The following PHC2 variants were observed in gnomAD, a reference collection of about 807,000 sequenced individuals.
PHC2 encodes polyhomeotic homolog 2.
In PHC2, 29 loss-of-function variants were observed where a neutral mutation model predicts 87.4. The observed-to-expected ratio is 0.33, with a 90% confidence interval of 0.25 to 0.45. The LOEUF (loss-of-function observed/expected upper bound fraction) is 0.45, where lower values mean the gene tolerates loss of function less well. PHC2 is among the 20% of genes least tolerant of loss of function. PHC2 has a pLI of 1.00. For synonymous variants in PHC2, 438 were observed against 461.7 expected (o/e 0.95, Z 0.66); for missense variants, 857 against 1,136.7 (o/e 0.75, Z 3.54).
intron 9 of PHC2, chr1:33,346,969 C>T (rs1646856058): frequency 1.0e-6 from 1 of 985,350 alleles, no homozygotes; most frequent in Non-Finnish European, 1.2e-6. Flanking sequence ...CATACAAGGC[C>T]AGAGGTAAGA....
intron 9 of PHC2, among the ~76,000 whole-genome samples, chr1:33,340,856 ACTTTACTGT>A (rs897432426): frequency 2.1e-5 from 3 of 142,276 alleles, no homozygotes; most frequent in African/African-American, 7.9e-5. Flanking sequence ...AGTCATTCAC[ACTTTACTGT>A]GAATTACTCG....
Position 33,332,114 on chromosome 1 carries a change from A to G in PHC2, c.1891+161T>C, listed in dbSNP as rs975990652. Among the ~76,000 whole-genome samples the G allele has an allele frequency of 1.3e-5, 2 of 152,180 alleles. No homozygotes were observed. Among genetic ancestry groups the G allele is most frequent in the Non-Finnish European group, 2.9e-5 (2 of 68,022 alleles). ...ACACATGGTTCCCGTGATTTCCCCT[A>G]TCCCTCTTTTTGAGGGAAGGAGGCT... On this transcript the variant is annotated intron_variant, in intron 11 of 14. Coordinates refer to ENST00000683057, the MANE Select transcript of PHC2 (RefSeq NM_001385109.1). This position sits in a 1 kb window ranked among gnomAD's most constrained non-coding sequence, Gnocchi z 4.2.
At chr1:33,412,413 C>T (rs1195424641) in intron 1 of PHC2, among the ~76,000 whole-genome samples, 2 of 152,170 alleles carry the variant, frequency 1.3e-5, no homozygotes, top group East Asian at 1.9e-4. Flanking sequence ...CGTGCGTGCG[C>T]GTGCATTCAA....
intron 7 of PHC2, among the ~76,000 whole-genome samples, chr1:33,360,289 C>T (rs2148300182): frequency 6.6e-6 from 1 of 152,376 alleles, no homozygotes; most frequent in East Asian, 1.9e-4. Flanking sequence ...CTACCAAATA[C>T]TTGCTGTGTA....
At position 33,414,177 on chromosome 1, in the gene PHC2, T is replaced by TCTCACACACACA. The variant is rs372228145; in HGVS notation, c.-55+16798_-55+16799insTGTGTGTGTGAG. On this transcript the variant is annotated intron_variant, in intron 1 of 14. Transcript: ENST00000683057. ...TTTACATATGTATTCTCTCTCTCTG[T>TCTCACACACACA]CACACACACACACACACACACACAC... 9.1e-5 allele frequency among the ~76,000 whole-genome samples: 13 copies of TCTCACACACACA among 142,856 alleles called. No homozygotes were observed. The East Asian group carries it at 2.0e-3, about 23-fold the overall frequency. 93.7% of individuals were successfully genotyped at this position (142,856 alleles called of 152,430 possible).
chr1:33,396,978 C>A (rs545141617), intron 1 of PHC2, among the ~76,000 whole-genome samples: 3 of 152,170 alleles, frequency 2.0e-5, no homozygotes, highest in African/African-American at 7.2e-5. Context: ...AGTGTTAACA[C>A]GAGGAGTCTG....
intron 14 of PHC2, chr1:33,325,609 C>A (rs1646353042): frequency 3.4e-6 from 1 of 291,210 alleles, no homozygotes; most frequent in African/African-American, 2.2e-5. Flanking sequence ...CAGATAACCT[C>A]TCTGTTTCTA....
chr1:33,430,641 C>G (rs975130374), intron 1 of PHC2, among the ~76,000 whole-genome samples: 1 of 152,042 alleles, frequency 6.6e-6, no homozygotes, highest in Non-Finnish European at 1.5e-5. Context: ...CGTTCCGGTT[C>G]CCGTTCCCGG....
intron 1 of PHC2, among the ~76,000 whole-genome samples, chr1:33,400,758 T>C (rs191327857): frequency 2.6e-5 from 4 of 152,254 alleles, no homozygotes; most frequent in Non-Finnish European, 5.9e-5. Flanking sequence ...TAAAATAGTA[T>C]AGTAAGTACA....
rs995199843 is a variant in PHC2, at chr1:33,331,158, C to T, written c.2006+190G>A. ...TTCCTTGGACTCCCGCTGCTCTCTCCCACCTGCTCTTAGGGGTTCTGGCTT... is the reference window on the plus strand; with the variant it reads ...TTCCTTGGACTCCCGCTGCTCTCTCTCACCTGCTCTTAGGGGTTCTGGCTT... On this transcript the variant is annotated intron_variant, in intron 12 of 14. Transcript: ENST00000683057. The surrounding 1 kb of genome is among the most constrained non-coding windows in gnomAD (Gnocchi z 5.2). Among the ~76,000 whole-genome samples, 2 of 152,180 alleles carry T rather than the reference C, an allele frequency of 1.3e-5. No individual in the cohort carries two copies. The highest frequency in any genetic ancestry group is 4.8e-5 in the African/African-American group (2 of 41,440).
chr1:33,326,986 T>TAAA (rs1365772032), intron 14 of PHC2, among the ~76,000 whole-genome samples: 1 of 151,826 alleles, frequency 6.6e-6, no homozygotes, highest in Non-Finnish European at 1.5e-5. Flanking sequence ...TAATATAAAA[T>TAAA]AAAAAGGAGG....
chr1:33,405,454 G>A (rs1649720064), intron 1 of PHC2, among the ~76,000 whole-genome samples: 1 of 152,098 alleles, frequency 6.6e-6, no homozygotes, highest in Non-Finnish European at 1.5e-5. Context: ...GCTTCCCAAA[G>A]CGCTGGGATT....
chr1:33,385,425 CATA>C lies in PHC2; in HGVS notation c.-54-9835_-54-9833del, dbSNP rs1648692315. Among the ~76,000 whole-genome samples, 3 of 152,338 alleles carry C rather than the reference CATA, an allele frequency of 2.0e-5. No homozygotes were observed. In the South Asian group the frequency reaches 6.2e-4, roughly 32 times the overall value. ...GCAAACATTGCCAGGGCAGGGTTTA[CATA>C]CAGGAATGCAACCCTGGCCATGTTA... is the stretch of plus-strand genomic sequence containing the variant. On this transcript the variant is annotated intron_variant, in intron 1 of 14. Coordinates refer to ENST00000683057, the MANE Select transcript of PHC2 (RefSeq NM_001385109.1).
chr1:33,384,143 G>A (rs572191695), intron 1 of PHC2, among the ~76,000 whole-genome samples: 67 of 152,310 alleles, frequency 4.4e-4, no homozygotes, highest in Admixed American at 1.7e-3. Context: ...GGCTTTGTAT[G>A]CTCCAAGGCA....
rs1647905536 is a variant in PHC2, at chr1:33,372,367, GTGC to G, written c.252_254del (p.Gln84del). 1.2e-6 allele frequency: 2 copies of G among 1,607,394 alleles called. No homozygotes were observed. Among genetic ancestry groups the G allele is most frequent in the Admixed American group, 1.7e-5 (1 of 59,598 alleles). The stretch of plus-strand genomic sequence containing the variant: ...GGAGCGCCGCGGTCTGCAGCATGAG[GTGC>G]TGCTGCTGGGCGGCGTACATCTGCT... On this transcript the variant is annotated inframe_deletion, in exon 3 of 15. Coordinates refer to ENST00000683057, the MANE Select transcript of PHC2 (RefSeq NM_001385109.1).
intron 1 of PHC2, among the ~76,000 whole-genome samples, chr1:33,405,746 T>A (rs1453783559): frequency 6.6e-6 from 1 of 152,224 alleles, no homozygotes; most frequent in Non-Finnish European, 1.5e-5. Context: ...ATTTTCTAAT[T>A]TCCACTGTGA....
chr1:33,407,219 A>C (rs1339453213), intron 1 of PHC2, among the ~76,000 whole-genome samples: 1 of 152,168 alleles, frequency 6.6e-6, no homozygotes, highest in African/African-American at 2.4e-5. Flanking sequence ...GTTACTTTAC[A>C]GTCTGTCTCA....
In PHC2 at chr1:33,377,520, A is replaced by C. The variant is rs891220630; in HGVS notation, c.-54-1927T>G. On this transcript the variant is annotated intron_variant, in intron 1 of 14. Coordinates refer to ENST00000683057, the MANE Select transcript of PHC2 (RefSeq NM_001385109.1). ...AAAGGGTGGTGGGAGAGGCACACCC[A>C]GATCTGAGTTTAAGTTCCTCTTTTT... 5.3e-5 allele frequency among the ~76,000 whole-genome samples: 8 copies of C among 152,244 alleles called. No homozygotes were observed. In the South Asian group the frequency reaches 1.7e-3, roughly 32 times the overall value.
Position 33,332,040 on chromosome 1 carries a change from C to A in PHC2, c.1891+235G>T, listed in dbSNP as rs1331760343. Among the ~76,000 whole-genome samples, 1 of 152,222 alleles carries A rather than the reference C, an allele frequency of 6.6e-6. No individual in the cohort carries two copies. Among genetic ancestry groups the A allele is most frequent in the Admixed American group, 6.5e-5 (1 of 15,286 alleles). On this transcript the variant is annotated intron_variant, in intron 11 of 14. Transcript: ENST00000683057. This position sits in a 1 kb window ranked among gnomAD's most constrained non-coding sequence, Gnocchi z 4.2. Reference sequence around the variant, plus strand: ...TGCCAATGATTCCCACAGGAAAAGCCATTCTTGGGATCCTGTGGTTGGCTG... The same window carrying A: ...TGCCAATGATTCCCACAGGAAAAGCAATTCTTGGGATCCTGTGGTTGGCTG...
Sources: gnomAD v4.1 joint callset for allele counts (sites outside exome capture counted in the v4.1 genomes callset) on GRCh38, gnomAD v4.1.1 for gene constraint, Gnocchi (gnomAD v3.1) non-coding constraint, MANE v1.5 for transcripts, NCBI Gene and HGNC (gene_info 2026-07-23, HGNC 2026-07-21) for gene names.